NANOS2: variants seen among roughly 807,000 people sequenced by gnomAD.
NANOS2 encodes nanos C2HC-type zinc finger 2.
A neutral mutation model predicts 6.4 loss-of-function variants in NANOS2; 3 were observed. The ratio of observed to expected loss-of-function variants is 0.47; its 90% confidence interval spans 0.22 to 1.22. The LOEUF (loss-of-function observed/expected upper bound fraction) is 1.22. Ranked by LOEUF, NANOS2 falls within the 50% of genes most tolerant of loss-of-function variation. The pLI is 0.22. For missense variants in NANOS2, 177 were observed against 191.0 expected, an observed-to-expected ratio of 0.93 and a Z score of 0.43; for synonymous variants, 86 against 85.6, an observed-to-expected ratio of 1.00 and a Z score of -0.03.
In NANOS2 at chr19:45,913,338, A is replaced by G. The variant is rs1967431835; in HGVS notation, c.*939T>C. 1 of 152,190 alleles carries G rather than the reference A, an allele frequency of 6.6e-6. No individual in the cohort carries two copies. Among genetic ancestry groups the G allele is most frequent in the African/African-American group, 2.4e-5 (1 of 41,444 alleles). The allele number at this position is 152,190 out of a possible 1,614,324, so 9.4% of individuals were successfully genotyped here. On this transcript the variant is annotated 3_prime_UTR_variant, in exon 1 of 1. Coordinates refer to ENST00000341294, the MANE Select transcript of NANOS2 (RefSeq NM_001029861.3). Reference sequence around the variant, plus strand: ...CCTTCTTCTCTTTGCCCCTAAAATAAAAGCTAGGCCATTGCCATTCCCATC... The same window carrying G: ...CCTTCTTCTCTTTGCCCCTAAAATAGAAGCTAGGCCATTGCCATTCCCATC...
At position 45,913,979 on chromosome 19, in the gene NANOS2, G is replaced by T; in HGVS notation, c.*298C>A. 3 of 427,432 alleles carry T rather than the reference G, an allele frequency of 7.0e-6. No individual in the cohort carries two copies. Among genetic ancestry groups the T allele is most frequent in the Non-Finnish European group, 1.3e-5 (3 of 236,220 alleles). The allele number at this position is 427,432 out of a possible 1,614,324, so 26.5% of individuals were successfully genotyped here. A position where few individuals can be genotyped will look rare whatever the true frequency, so the allele number is the denominator to read the frequency against. On this transcript the variant is annotated 3_prime_UTR_variant, in exon 1 of 1. Coordinates refer to ENST00000341294, the MANE Select transcript of NANOS2 (RefSeq NM_001029861.3). ...TCCAGTCACCAGCAGGCCCCACGAG[G>T]ACAAAAGATCCATGAACCGGGGCCC...
chr19:45,914,069 C>T lies in NANOS2; in HGVS notation c.*208G>A. On this transcript the variant is annotated 3_prime_UTR_variant, in exon 1 of 1. Transcript: ENST00000341294. ...CACCAAGGACCCTCAGGCCAACGCC[C>T]ACAGGCCAGAGCTCCGAGGGCTGAC... The T allele has an allele frequency of 1.7e-6, 1 of 604,706 alleles. No homozygotes were observed. The highest frequency in any genetic ancestry group is 3.0e-5 in the Admixed American group (1 of 33,664). The allele number at this position is 604,706 out of a possible 1,614,324, so 37.5% of individuals were successfully genotyped here.
chr19:45,914,471 C>A lies in NANOS2; in HGVS notation c.223G>T (p.Val75Phe). Residue 75 changes from valine to phenylalanine, a missense_variant, in exon 1 of 1, where the codon GTC becomes TTC. Transcript: ENST00000341294. ...GTCTTCAGCTGGTGTGAGGAGTAGA[C>A]GTGGCGGGACTCCCCGTTGTGCTTG... ...FCKHNGESRH[V>F]YSSHQLKTPD... The A allele has an allele frequency of 6.2e-7, 1 of 1,614,176 alleles. No homozygotes were observed. Among genetic ancestry groups the A allele is most frequent in the Non-Finnish European group, 8.5e-7 (1 of 1,180,000 alleles).
At position 45,914,563 on chromosome 19, in the gene NANOS2, A is replaced by G. The variant is rs1967449809; in HGVS notation, c.131T>C (p.Leu44Pro). 6.2e-7 allele frequency: 1 copy of G among 1,614,046 alleles called. No homozygotes were observed. Among genetic ancestry groups the G allele is most frequent in the African/African-American group, 1.3e-5 (1 of 74,944 alleles). ...CGCCCCCAGCCCCTGATCCTGCCCC[A>G]GCGGAGGCCCGGGACTTGGCTCCTC... ...EIEEPSPGPP[L>P]GQDQGLGAPG... The change falls in exon 1 of 1, where the codon CTG becomes CCG. Residue 44 changes from leucine to proline, a missense_variant. Physicochemically the swap from Leu to Pro is moderately conservative, Grantham distance 98. Transcript: ENST00000341294.
rs535471871 is a variant in NANOS2 at position 45,914,768 on chromosome 19, A to C, written c.-75T>G. On this transcript the variant is annotated 5_prime_UTR_variant, in exon 1 of 1. Transcript: ENST00000341294. The stretch of plus-strand genomic sequence containing the variant: ...GCCCGTGGGCAAGGGCAAGAGCAGC[A>C]GGCGTTTCCCAGAGCAGAAGGGAGC... 64 of 1,431,408 alleles carry C rather than the reference A, an allele frequency of 4.5e-5. No individual in the cohort carries two copies. The highest frequency in any genetic ancestry group is 5.9e-5 in the Non-Finnish European group (62 of 1,051,318). 88.7% of individuals were successfully genotyped at this position (1,431,408 alleles called of 1,614,324 possible).
At position 45,914,330 on chromosome 19, in the gene NANOS2, A is replaced by C; in HGVS notation, c.364T>G (p.Ser122Ala). The C allele has an allele frequency of 6.2e-7, 1 of 1,613,764 alleles. No individual in the cohort carries two copies. The highest frequency in any genetic ancestry group is 8.5e-7 in the Non-Finnish European group (1 of 1,179,950). ...KYCPLNGGQQSLYRRSGRNSA... is the reference protein window; with the variant it reads ...KYCPLNGGQQALYRRSGRNSA... ...TTGCGCCCGCTGCGGCGGTAGAGGG[A>C]CTGCTGGCCACCGTTAAGCGGGCAG... is the stretch of plus-strand genomic sequence containing the variant. The change falls in exon 1 of 1, where the codon TCC becomes GCC. Residue 122 changes from serine (S) to alanine (A), a missense_variant. By Grantham distance (99) the Ser-to-Ala change is moderately conservative. Coordinates refer to ENST00000341294, the MANE Select transcript of NANOS2 (RefSeq NM_001029861.3).
Position 45,914,265 on chromosome 19 carries a change from A to G in NANOS2, c.*12T>C, listed in dbSNP as rs1252799795. Reference sequence around the variant, plus strand: ...AGGGTCAGGGGTGCGGGTGGTGAGCATCTCACGATGCTCAGCGCTTGACCC... The same window carrying G: ...AGGGTCAGGGGTGCGGGTGGTGAGCGTCTCACGATGCTCAGCGCTTGACCC... On this transcript the variant is annotated 3_prime_UTR_variant, in exon 1 of 1. Transcript: ENST00000341294. The G allele has an allele frequency of 1.9e-6, 3 of 1,601,582 alleles. No homozygotes were observed. The African/African-American group carries it at 4.0e-5, about 21-fold the overall frequency.
At position 45,914,156 on chromosome 19, in the gene NANOS2, AG is replaced by A. The variant is rs1236994896; in HGVS notation, c.*120del. The A allele has an allele frequency of 7.0e-6, 7 of 1,006,276 alleles. No homozygotes were observed. The Admixed American group carries it at 1.9e-4, about 27-fold the overall frequency. The allele number at this position is 1,006,276 out of a possible 1,614,324, so 62.3% of individuals were successfully genotyped here. A position where few individuals can be genotyped will look rare whatever the true frequency, so the allele number is the denominator to read the frequency against. ...GCCTCCACTGTTTCAGGATCCAGCCAGGGTGGAGTTCTGGGGGCCAGAAATT... is the reference window on the plus strand; with the variant it reads ...GCCTCCACTGTTTCAGGATCCAGCCAGGTGGAGTTCTGGGGGCCAGAAATT... On this transcript the variant is annotated 3_prime_UTR_variant, in exon 1 of 1. Coordinates refer to ENST00000341294, the MANE Select transcript of NANOS2 (RefSeq NM_001029861.3).
In NANOS2 at chr19:45,914,772, G is replaced by C; in HGVS notation, c.-79C>G. 7.3e-7 allele frequency: 1 copy of C among 1,375,512 alleles called. No individual in the cohort carries two copies. The highest frequency in any genetic ancestry group is 1.0e-6 in the Non-Finnish European group (1 of 1,003,396). 85.2% of individuals were successfully genotyped at this position (1,375,512 alleles called of 1,614,324 possible). ...GTGGGCAAGGGCAAGAGCAGCAGGC[G>C]TTTCCCAGAGCAGAAGGGAGCTGCA... On this transcript the variant is annotated 5_prime_UTR_variant, in exon 1 of 1. Transcript: ENST00000341294.
chr19:45,914,742 G>T lies in NANOS2; in HGVS notation c.-49C>A. 6.5e-7 allele frequency: 1 copy of T among 1,547,366 alleles called. No individual in the cohort carries two copies. ...CCACAGGAGAGGGGCTGGGGCTGGG[G>T]GCCCGTGGGCAAGGGCAAGAGCAGC... On this transcript the variant is annotated 5_prime_UTR_variant, in exon 1 of 1. Transcript: ENST00000341294.
Position 45,914,022 on chromosome 19 carries a change from C to T in NANOS2, c.*255G>A. 5.6e-6 allele frequency: 3 copies of T among 538,018 alleles called. No individual in the cohort carries two copies. The highest frequency in any genetic ancestry group is 1.0e-5 in the Non-Finnish European group (3 of 300,962). The allele number at this position is 538,018 out of a possible 1,614,324, so 33.3% of individuals were successfully genotyped here. ...CGGGGCCCAGAGGGCGCTACAGGGCCGTGCAGGAAGGGTTCCCGCGGCACC... is the reference window on the plus strand; with the variant it reads ...CGGGGCCCAGAGGGCGCTACAGGGCTGTGCAGGAAGGGTTCCCGCGGCACC... On this transcript the variant is annotated 3_prime_UTR_variant, in exon 1 of 1. Coordinates refer to ENST00000341294, the MANE Select transcript of NANOS2 (RefSeq NM_001029861.3).
chr19:45,914,492 G>T lies in NANOS2; in HGVS notation c.202C>A (p.His68Asn), dbSNP rs1337718939. 2 of 1,614,108 alleles carry T rather than the reference G, an allele frequency of 1.2e-6. No individual in the cohort carries two copies. The highest frequency in any genetic ancestry group is 1.7e-6 in the Non-Finnish European group (2 of 1,179,976). ...TAGACGTGGCGGGACTCCCCGTTGT[G>T]CTTGCAGAAGTTGCACAGGGTCCCC... is the stretch of plus-strand genomic sequence containing the variant. ...GLGTLCNFCK[H>N]NGESRHVYSS... Residue 68 changes from histidine to asparagine, a missense_variant, in exon 1 of 1, where the codon CAC becomes AAC. His to Asn is a moderately conservative substitution (Grantham distance 68). Transcript: ENST00000341294.
Position 45,913,966 on chromosome 19 carries a change from C to T in NANOS2, c.*311G>A. ...GAAGGGGCAGGGCTCCAGTCACCAG[C>T]AGGCCCCACGAGGACAAAAGATCCA... On this transcript the variant is annotated 3_prime_UTR_variant, in exon 1 of 1. Coordinates refer to ENST00000341294, the MANE Select transcript of NANOS2 (RefSeq NM_001029861.3). The T allele has an allele frequency of 2.5e-6, 1 of 398,458 alleles. No homozygotes were observed. Among genetic ancestry groups the T allele is most frequent in the Non-Finnish European group, 4.6e-6 (1 of 218,684 alleles). The allele number at this position is 398,458 out of a possible 1,614,324, so 24.7% of individuals were successfully genotyped here.
chr19:45,913,452 G>C lies in NANOS2; in HGVS notation c.*825C>G, dbSNP rs1446517688. The C allele has an allele frequency of 6.6e-6, 1 of 152,060 alleles. No individual in the cohort carries two copies. The highest frequency in any genetic ancestry group is 1.5e-5 in the Non-Finnish European group (1 of 68,034). The allele number at this position is 152,060 out of a possible 1,614,324, so 9.4% of individuals were successfully genotyped here. A position where few individuals can be genotyped will look rare whatever the true frequency, so the allele number is the denominator to read the frequency against. ...CAGGAGGAAAAAAAAATGTCCTTTA[G>C]TCAACTATCACGATTTGGGGGGTCG... On this transcript the variant is annotated 3_prime_UTR_variant, in exon 1 of 1. Coordinates refer to ENST00000341294, the MANE Select transcript of NANOS2 (RefSeq NM_001029861.3).
Position 45,914,008 on chromosome 19 carries a change from G to T in NANOS2, c.*269C>A. The T allele has an allele frequency of 2.1e-6, 1 of 470,880 alleles. No individual in the cohort carries two copies. The allele number at this position is 470,880 out of a possible 1,614,324, so 29.2% of individuals were successfully genotyped here. On this transcript the variant is annotated 3_prime_UTR_variant, in exon 1 of 1. Transcript: ENST00000341294. ...AAAGATCCATGAACCGGGGCCCAGA[G>T]GGCGCTACAGGGCCGTGCAGGAAGG...
rs375120382 is a variant in NANOS2 at position 45,914,284 on chromosome 19, T to A, written c.410A>T (p.Lys137Met). 2 of 1,611,974 alleles carry A rather than the reference T, an allele frequency of 1.2e-6. No individual in the cohort carries two copies. The highest frequency in any genetic ancestry group is 1.7e-6 in the Non-Finnish European group (2 of 1,179,162). ...GTGAGCATCTCACGATGCTCAGCGC[T>A]TGACCCTGCGTCCGGCCGAGTTGCG... is the stretch of plus-strand genomic sequence containing the variant. Reference protein sequence around the residue: ...SGRNSAGRRVKR With the variant: ...SGRNSAGRRVMR The change falls in exon 1 of 1, where the codon AAG (lysine) becomes ATG (methionine). Residue 137 changes from lysine to methionine, a missense_variant. Physicochemically the swap from Lys to Met is moderately conservative, Grantham distance 95 (BLOSUM62 -1). Transcript: ENST00000341294.
At position 45,914,266 on chromosome 19, in the gene NANOS2, T is replaced by C; in HGVS notation, c.*11A>G. On this transcript the variant is annotated 3_prime_UTR_variant, in exon 1 of 1. Transcript: ENST00000341294. ...GGGTCAGGGGTGCGGGTGGTGAGCA[T>C]CTCACGATGCTCAGCGCTTGACCCT... 1.2e-6 allele frequency: 2 copies of C among 1,601,756 alleles called. No individual in the cohort carries two copies. The highest frequency in any genetic ancestry group is 1.7e-6 in the Non-Finnish European group (2 of 1,172,864).
At position 45,913,527 on chromosome 19, in the gene NANOS2, C is replaced by A. The variant is rs538450812; in HGVS notation, c.*750G>T. 6.6e-6 allele frequency: 1 copy of A among 151,912 alleles called. No homozygotes were observed. The highest frequency in any genetic ancestry group is 6.6e-5 in the Admixed American group (1 of 15,224). The allele number at this position is 151,912 out of a possible 1,614,324, so 9.4% of individuals were successfully genotyped here. On this transcript the variant is annotated 3_prime_UTR_variant, in exon 1 of 1. Transcript: ENST00000341294. ...CTTCTCGCTGGGGGAAAGGACCCAT[C>A]GGTGATTTGGGGATGGGGGCAGGTA...
In NANOS2 at chr19:45,913,555, G is replaced by C. The variant is rs1247790862; in HGVS notation, c.*722C>G. 1 of 152,164 alleles carries C rather than the reference G, an allele frequency of 6.6e-6. No homozygotes were observed. Among genetic ancestry groups the C allele is most frequent in the African/African-American group, 2.4e-5 (1 of 41,420 alleles). The allele number at this position is 152,164 out of a possible 1,614,324, so 9.4% of individuals were successfully genotyped here. Reference sequence around the variant, plus strand: ...TGATTTGGGGATGGGGGCAGGTACCGGGTGCAATGGGCTGAACAAGGGGAA... The same window carrying C: ...TGATTTGGGGATGGGGGCAGGTACCCGGTGCAATGGGCTGAACAAGGGGAA... On this transcript the variant is annotated 3_prime_UTR_variant, in exon 1 of 1. Coordinates refer to ENST00000341294, the MANE Select transcript of NANOS2 (RefSeq NM_001029861.3).
Sources: allele counts gnomAD v4.1 joint callset, GRCh38; gene constraint gnomAD v4.1.1; transcripts MANE v1.5; gene names NCBI Gene and HGNC (gene_info 2026-07-23, HGNC 2026-07-21).